The following MYLK4 variants were observed in gnomAD, a reference collection of about 807,000 sequenced individuals.
MYLK4 encodes caMLCK like.
A neutral mutation model predicts 48.1 loss-of-function variants in MYLK4; 46 were observed. That is an observed-to-expected ratio of 0.96 (90% CI 0.75 to 1.22). The LOEUF is 1.22. Among genes scored for constraint, MYLK4 ranks in the 50% most tolerant of loss-of-function variants. The pLI, the probability that MYLK4 is intolerant of heterozygous loss-of-function variation, is 0.00. For synonymous variants in MYLK4, 170 were observed against 180.8 expected (o/e 0.94, Z 0.48); for missense variants, 451 against 486.1 (o/e 0.93, Z 0.68).
At chr6:2,715,704 G>T (rs1258975369) in intron 2 of MYLK4, among the ~76,000 whole-genome samples, 2 of 152,146 alleles carry the variant, frequency 1.3e-5, no homozygotes, top group Non-Finnish European at 2.9e-5. Context: ...GGTCAAAACC[G>T]CTAGCAAACA....
At chr6:2,726,921 A>C (rs1167690616) in intron 2 of MYLK4, among the ~76,000 whole-genome samples, 1 of 152,164 alleles carries the variant, frequency 6.6e-6, no homozygotes, top group African/African-American at 2.4e-5. Context: ...CACCTACTAT[A>C]TAATTAACCA....
intron 2 of MYLK4, among the ~76,000 whole-genome samples, chr6:2,712,053 T>A (rs1258749998): frequency 6.6e-6 from 1 of 152,200 alleles, no homozygotes; most frequent in Non-Finnish European, 1.5e-5. Flanking sequence ...TCTTTTGTTT[T>A]AAAGCAGAAG....
chr6:2,709,917 G>A (rs1582078724), intron 2 of MYLK4, among the ~76,000 whole-genome samples: 1 of 152,064 alleles, frequency 6.6e-6, no homozygotes, highest in Non-Finnish European at 1.5e-5. Flanking sequence ...TAACAGTCAG[G>A]AGCTGAAATA....
intron 2 of MYLK4, among the ~76,000 whole-genome samples, chr6:2,703,665 C>CTTTTTTTTTTTTT (rs3055234): frequency 5.3e-5 from 5 of 95,120 alleles, no homozygotes; most frequent in African/African-American, 1.2e-4. Context: ...TTTGTGAATT[C>CTTTTTTTTTTTTT]TTTTTTTTTT....
intron 2 of MYLK4, among the ~76,000 whole-genome samples, chr6:2,716,566 C>T (rs1561861203): frequency 6.6e-6 from 1 of 152,196 alleles, no homozygotes; most frequent in East Asian, 1.9e-4. Flanking sequence ...TTCATTCATT[C>T]ATTCAAGATA....
rs1554128660 is a variant in MYLK4 at position 2,699,292 on chromosome 6, T to TTTTTTTTTC, written c.160-6434_160-6433insGAAAAAAAA. On this transcript the variant is annotated intron_variant, in intron 2 of 12. Coordinates refer to ENST00000274643, the MANE Select transcript of MYLK4 (RefSeq NM_001012418.5). ...TACCACTTTTCTTTTCTTTTCTTTTTTTTTTTTTTTTTTTTTTGATATGGA... is the reference window on the plus strand; with the variant it reads ...TACCACTTTTCTTTTCTTTTCTTTTTTTTTTTTTCTTTTTTTTTTTTTTTTTGATATGGA... Among the ~76,000 whole-genome samples, 207 of 86,988 alleles carry TTTTTTTTTC rather than the reference T, an allele frequency of 2.4e-3. 3 individuals are homozygous for TTTTTTTTTC. The highest frequency in any genetic ancestry group is 0.01 in the African/African-American group (196 of 19,402). The allele number at this position is 86,988 out of a possible 152,430, so 57.1% of individuals were successfully genotyped here. A position where few individuals can be genotyped will look rare whatever the true frequency, so the allele number is the denominator to read the frequency against.
intron 2 of MYLK4, among the ~76,000 whole-genome samples, chr6:2,706,892 T>C (rs992772492): frequency 6.6e-6 from 1 of 152,234 alleles, no homozygotes; most frequent in African/African-American, 2.4e-5. Flanking sequence ...AGCTCAATTA[T>C]GGGTATTCCA....
At chr6:2,708,796 C>T (rs533333042) in intron 2 of MYLK4, among the ~76,000 whole-genome samples, 5 of 152,232 alleles carry the variant, frequency 3.3e-5, no homozygotes, top group East Asian at 3.9e-4. Flanking sequence ...CTGCCTTTTG[C>T]GTCTCCGTAT....
intron 2 of MYLK4, among the ~76,000 whole-genome samples, chr6:2,747,820 T>C (rs1251694170): frequency 6.6e-6 from 1 of 152,202 alleles, no homozygotes; most frequent in East Asian, 1.9e-4. Context: ...CCGAAATTAA[T>C]AAACAGAAAA....
chr6:2,767,240 A>T, the MYLK4 span, among the ~76,000 whole-genome samples: 8 of 152,338 alleles, frequency 5.3e-5, no homozygotes, highest in East Asian at 1.2e-3. Flanking sequence ...AAAATGGAGG[A>T]GGTGAGCCAG....
rs541666450 is a variant in MYLK4, at chr6:2,695,786, G to T, written c.160-2927C>A. 3.4e-4 allele frequency among the ~76,000 whole-genome samples: 52 copies of T among 152,212 alleles called. 1 individual carries two copies. The highest frequency in any genetic ancestry group is 1.2e-3 in the African/African-American group (51 of 41,520). On this transcript the variant is annotated intron_variant, in intron 2 of 12. Transcript: ENST00000274643. ...CAAAAATATGAAACATTTTTACTTTGTATTTCTAAGTTATGCCTAGAAGTT... is the reference window on the plus strand; with the variant it reads ...CAAAAATATGAAACATTTTTACTTTTTATTTCTAAGTTATGCCTAGAAGTT...
chr6:2,677,861 G>A lies in MYLK4; in HGVS notation c.1040+359C>T, dbSNP rs76232468. Among the ~76,000 whole-genome samples, 528 of 152,288 alleles carry A rather than the reference G, an allele frequency of 3.5e-3. 27 individuals are homozygous for A. The East Asian group carries it at 0.09, about 26-fold the overall frequency. ...CCCACAGTAGTTTCCCAAATGAAAT[G>A]GTAGTTAAAGATTCAGCTACACGGA... is the stretch of plus-strand genomic sequence containing the variant. On this transcript the variant is annotated intron_variant, in intron 10 of 12. Transcript: ENST00000274643.
chr6:2,672,421 A>G lies in MYLK4; in HGVS notation c.1120-1073T>C, dbSNP rs895707521. On this transcript the variant is annotated intron_variant, in intron 11 of 12. Coordinates refer to ENST00000274643, the MANE Select transcript of MYLK4 (RefSeq NM_001012418.5). This position sits in a 1 kb window ranked among gnomAD's most constrained non-coding sequence, Gnocchi z 4.3. Reference sequence around the variant, plus strand: ...GAACTCTCGGATGTTAACTTCTAAGAAAAAAAAATCCTTCTTAAATTTAGT... The same window carrying G: ...GAACTCTCGGATGTTAACTTCTAAGGAAAAAAAATCCTTCTTAAATTTAGT... 3.9e-5 allele frequency among the ~76,000 whole-genome samples: 6 copies of G among 151,914 alleles called. No homozygotes were observed. Among genetic ancestry groups the G allele is most frequent in the Admixed American group, 3.9e-4 (6 of 15,258 alleles).
intron 2 of MYLK4, among the ~76,000 whole-genome samples, chr6:2,700,831 A>T (rs1352000704): frequency 6.6e-6 from 1 of 152,204 alleles, no homozygotes; most frequent in Non-Finnish European, 1.5e-5. Flanking sequence ...AGGTAAGCAG[A>T]AGAGAGGAGG....
intron 2 of MYLK4, 84 bp from the exon 3 acceptor site, chr6:2,692,943 G>A: frequency 8.0e-7 from 1 of 1,245,534 alleles, no homozygotes; most frequent in East Asian, 2.5e-5. Context: ...TGCGCTGGAT[G>A]ATTCCGTGTG....
intron 2 of MYLK4, among the ~76,000 whole-genome samples, chr6:2,728,708 A>G (rs1304295722): frequency 6.6e-6 from 1 of 152,178 alleles, no homozygotes; most frequent in Non-Finnish European, 1.5e-5. Flanking sequence ...CCTAGTTATC[A>G]CAGTGACCAA....
At chr6:2,740,244 T>C (rs1393386822) in intron 2 of MYLK4, among the ~76,000 whole-genome samples, 1 of 152,180 alleles carries the variant, frequency 6.6e-6, no homozygotes, top group Non-Finnish European at 1.5e-5. Context: ...CACCTCTCCT[T>C]GTCCTCCGCG....
At position 2,736,573 on chromosome 6, in the gene MYLK4, C is replaced by T. The variant is rs577503770; in HGVS notation, c.159+12563G>A. 2.0e-5 allele frequency among the ~76,000 whole-genome samples: 3 copies of T among 152,348 alleles called. No homozygotes were observed. The South Asian group carries it at 6.2e-4, about 32-fold the overall frequency. On this transcript the variant is annotated intron_variant, in intron 2 of 12. Coordinates refer to ENST00000274643, the MANE Select transcript of MYLK4 (RefSeq NM_001012418.5). ...TGAAATAGATAATGGGAAGTAGACT[C>T]TGATGGGTTTCAATGATAAGTCATT... is the stretch of plus-strand genomic sequence containing the variant.
chr6:2,669,626 G>A (rs185913214), intron 12 of MYLK4, among the ~76,000 whole-genome samples: 2 of 152,286 alleles, frequency 1.3e-5, no homozygotes, highest in East Asian at 3.9e-4. Context: ...GAGAGAAGGA[G>A]TGGACACAGC....
Sources: allele counts gnomAD v4.1 joint callset (sites outside exome capture counted in the v4.1 genomes callset), GRCh38; gene constraint gnomAD v4.1.1; non-coding constraint Gnocchi (gnomAD v3.1); transcripts MANE v1.5; gene names NCBI Gene and HGNC (gene_info 2026-07-23, HGNC 2026-07-21).